The following TENM4 variants were observed in gnomAD, a reference collection of about 807,000 sequenced individuals.
TENM4 encodes the protein teneurin-4.
In TENM4, 82 loss-of-function variants were observed where a neutral mutation model predicts 243.3. The ratio of observed to expected loss-of-function variants is 0.34; its 90% confidence interval spans 0.28 to 0.40. The LOEUF (loss-of-function observed/expected upper bound fraction) is 0.40. TENM4 is among the 10% of genes least tolerant of loss of function. TENM4 has a pLI of 1.00. For missense variants in TENM4, 3,138 were observed against 3,673.3 expected, an observed-to-expected ratio of 0.85 and a Z score of 3.77; for synonymous variants, 1,412 against 1,456.3, an observed-to-expected ratio of 0.97 and a Z score of 0.69.
chr11:78,990,162 A>G (rs1019034134), intron 6 of TENM4, among the ~76,000 whole-genome samples: 3 of 152,114 alleles, frequency 2.0e-5, no homozygotes, highest in African/African-American at 7.2e-5. Flanking sequence ...CAGATATGTT[A>G]GAGGTACAGG....
intron 3 of TENM4, among the ~76,000 whole-genome samples, chr11:79,168,121 G>T (rs1862957422): frequency 1.3e-5 from 2 of 152,360 alleles, no homozygotes; most frequent in South Asian, 4.1e-4. Flanking sequence ...AGGAGCCTGA[G>T]ATGGGCTCTG....
intron 11 of TENM4, among the ~76,000 whole-genome samples, chr11:78,854,884 A>G (rs1199135740): frequency 6.6e-6 from 1 of 152,196 alleles, no homozygotes; most frequent in Non-Finnish European, 1.5e-5. Context: ...GGGGAACTCA[A>G]CTGGATTAGC....
At chr11:78,665,767 C>T (rs1388446078) in intron 32 of TENM4, among the ~76,000 whole-genome samples, 1 of 152,234 alleles carries the variant, frequency 6.6e-6, no homozygotes, top group African/African-American at 2.4e-5. Flanking sequence ...TCACAAGCAT[C>T]AAGTGAAGAT....
intron 6 of TENM4, among the ~76,000 whole-genome samples, chr11:79,038,351 C>T (rs931124046): frequency 2.0e-5 from 3 of 152,240 alleles, no homozygotes; most frequent in Non-Finnish European, 4.4e-5. Context: ...CAAGTGCCAC[C>T]TGCTGTCCCT....
intron 6 of TENM4, among the ~76,000 whole-genome samples, chr11:79,004,493 A>G (rs1333245972): frequency 1.3e-5 from 2 of 152,238 alleles, no homozygotes; most frequent in African/African-American, 4.8e-5. Context: ...ATGGAATTAA[A>G]TGGAAATTAA....
intron 6 of TENM4, among the ~76,000 whole-genome samples, chr11:78,919,019 G>A (rs1393307099): frequency 1.3e-5 from 2 of 152,096 alleles, no homozygotes; most frequent in East Asian, 1.9e-4. Flanking sequence ...AGAGATTGAA[G>A]CTTAAATGAG....
At chr11:78,829,952 T>G (rs984798376) in intron 12 of TENM4, among the ~76,000 whole-genome samples, 11 of 152,182 alleles carry the variant, frequency 7.2e-5, no homozygotes, top group Non-Finnish European at 1.3e-4. Flanking sequence ...CAGCAATTAA[T>G]GCTCCAACAC....
chr11:79,394,380 C>T (rs191966890), intron 1 of TENM4, among the ~76,000 whole-genome samples: 19 of 152,252 alleles, frequency 1.2e-4, no homozygotes, highest in African/African-American at 4.1e-4. Context: ...AGTTGGAAGT[C>T]CCAGCTTCAG....
chr11:78,855,311 C>T (rs928070788), intron 11 of TENM4, among the ~76,000 whole-genome samples: 3 of 152,204 alleles, frequency 2.0e-5, no homozygotes, highest in African/African-American at 7.2e-5. Flanking sequence ...TACTCCAATT[C>T]CAGGGCTGGC....
chr11:78,872,974 C>T (rs1256684344), intron 9 of TENM4, among the ~76,000 whole-genome samples: 1 of 152,182 alleles, frequency 6.6e-6, no homozygotes, highest in Non-Finnish European at 1.5e-5. Flanking sequence ...GACAGCTTAA[C>T]GTGGAGCCTG....
intron 12 of TENM4, among the ~76,000 whole-genome samples, chr11:78,830,928 A>T (rs1341286467): frequency 4.6e-5 from 7 of 152,206 alleles, no homozygotes; most frequent in Non-Finnish European, 8.8e-5. Flanking sequence ...ACATGAAATA[A>T]GGTAACAATA....
At chr11:79,023,925 C>T (rs981285064) in intron 6 of TENM4, among the ~76,000 whole-genome samples, 12 of 152,166 alleles carry the variant, frequency 7.9e-5, no homozygotes, top group East Asian at 1.9e-4. Context: ...CTACCAGATA[C>T]GATGGCACCT....
chr11:78,684,994 A>C (rs1790550), intron 29 of TENM4, among the ~76,000 whole-genome samples: 150,807 of 152,284 alleles, frequency 0.99, 74,704 homozygotes, highest in Middle Eastern at 1. Flanking sequence ...CTCACTGAAT[A>C]TTTTCTGCTA....
intron 19 of TENM4, chr11:78,756,406 C>T: frequency 4.5e-6 from 1 of 222,648 alleles, no homozygotes; most frequent in South Asian, 7.2e-5. Flanking sequence ...GCAGATGTAC[C>T]CACCCCCTGC....
chr11:78,870,303 T>A (rs1024913070), intron 9 of TENM4, among the ~76,000 whole-genome samples: 4 of 152,240 alleles, frequency 2.6e-5, no homozygotes, highest in Admixed American at 1.3e-4. Context: ...TCTGTGATAC[T>A]GCCTTTTTCT....
At chr11:79,024,979 G>A (rs1373913256) in intron 6 of TENM4, among the ~76,000 whole-genome samples, 1 of 152,182 alleles carries the variant, frequency 6.6e-6, no homozygotes, top group Admixed American at 6.5e-5. Context: ...GTTAGGATAT[G>A]CCTCTCTTGA....
intron 9 of TENM4, among the ~76,000 whole-genome samples, chr11:78,878,305 T>C (rs1298509211): frequency 1.3e-5 from 2 of 152,162 alleles, no homozygotes; most frequent in African/African-American, 2.4e-5. Context: ...TGATACTAAG[T>C]ATGACGGAAA....
At chr11:79,009,634 T>C (rs1413023195) in intron 6 of TENM4, among the ~76,000 whole-genome samples, 1 of 152,162 alleles carries the variant, frequency 6.6e-6, no homozygotes, top group African/African-American at 2.4e-5. Flanking sequence ...CTTAGTGTTG[T>C]TGAGAGGATC....
At chr11:78,690,314 C>A (rs1317684892) in intron 28 of TENM4, among the ~76,000 whole-genome samples, 2 of 152,184 alleles carry the variant, frequency 1.3e-5, no homozygotes, top group East Asian at 1.9e-4. Context: ...CTCCCTTCAA[C>A]TCTGAGAGAG....
Sources: gnomAD v4.1 joint callset for allele counts (sites outside exome capture counted in the v4.1 genomes callset) on GRCh38, gnomAD v4.1.1 for gene constraint, MANE v1.5 for transcripts, NCBI Gene and HGNC (gene_info 2026-07-23, HGNC 2026-07-21) for gene names.